Variants in ST6GAL1 observed in about 807,000 individuals in gnomAD.
ST6GAL1 encodes the protein ST6 beta-galactoside alpha-2,6-sialyltransferase 1, also known as beta-galactoside alpha-2,6-sialyltransferase 1.
A neutral mutation model predicts 38.0 loss-of-function variants in ST6GAL1; 20 were observed. The ratio of observed to expected loss-of-function variants is 0.53; its 90% CI spans 0.37 to 0.77. The LOEUF is 0.77. Among genes scored for constraint, ST6GAL1 ranks in the 30% least tolerant of loss-of-function variants. The probability of loss-of-function intolerance (pLI) is 0.00; values close to 1 mark genes in which losing one functional copy is unlikely to be tolerated. For synonymous variants in ST6GAL1, 196 were observed against 188.2 expected (o/e 1.04, Z -0.34); for missense variants, 432 against 496.4 (o/e 0.87, Z 1.23).
chr3:186,944,286 T>C (rs1307308691), intron 1 of ST6GAL1, among the ~76,000 whole-genome samples: 3 of 152,202 alleles, frequency 2.0e-5, no homozygotes, highest in Non-Finnish European at 4.4e-5. Flanking sequence ...CAATCACAGC[T>C]GGCTGGAGGA....
intron 1 of ST6GAL1, among the ~76,000 whole-genome samples, chr3:186,951,153 A>G (rs1714563261): frequency 6.6e-6 from 1 of 152,110 alleles, no homozygotes; most frequent in East Asian, 1.9e-4. Flanking sequence ...CACTGCGTGC[A>G]GCCTCTGCCT....
At chr3:187,012,856 G>C (rs910924141) in intron 2 of ST6GAL1, among the ~76,000 whole-genome samples, 2 of 152,224 alleles carry the variant, frequency 1.3e-5, no homozygotes. Flanking sequence ...TCCAAATGGA[G>C]GGGAAATCCA....
At chr3:187,025,939 T>A (rs1717519817) in intron 2 of ST6GAL1, among the ~76,000 whole-genome samples, 1 of 152,206 alleles carries the variant, frequency 6.6e-6, no homozygotes, top group Non-Finnish European at 1.5e-5. Flanking sequence ...GGAAAAGATG[T>A]AATCTCTGGT....
chr3:187,034,275 C>G (rs766502165), intron 2 of ST6GAL1, among the ~76,000 whole-genome samples: 1 of 151,978 alleles, frequency 6.6e-6, no homozygotes, highest in Non-Finnish European at 1.5e-5. Flanking sequence ...AAACTTACCA[C>G]CAAAAAAAGC....
intron 2 of ST6GAL1, among the ~76,000 whole-genome samples, chr3:186,970,439 G>T (rs1172418942): frequency 6.6e-6 from 1 of 150,626 alleles, no homozygotes; most frequent in Admixed American, 6.6e-5. Flanking sequence ...TAGCCAGGAT[G>T]GTCTCTGTCT....
At chr3:186,989,193 T>A (rs954736734) in intron 2 of ST6GAL1, among the ~76,000 whole-genome samples, 2 of 152,166 alleles carry the variant, frequency 1.3e-5, no homozygotes, top group African/African-American at 2.4e-5. Context: ...TCAGAAACCA[T>A]ATTATCTAAA....
chr3:186,961,357 C>T (rs1406734742), intron 1 of ST6GAL1, among the ~76,000 whole-genome samples: 1 of 152,206 alleles, frequency 6.6e-6, no homozygotes, highest in African/African-American at 2.4e-5. Context: ...CTACCACCAG[C>T]TGACTAGAGT....
At chr3:187,074,568 T>C (rs1719498062) in intron 7 of ST6GAL1, among the ~76,000 whole-genome samples, 1 of 152,172 alleles carries the variant, frequency 6.6e-6, no homozygotes, top group Non-Finnish European at 1.5e-5. Context: ...GAGGCAATAT[T>C]CAATTTGTGC....
At chr3:187,057,599 T>C (rs1025655853) in intron 5 of ST6GAL1, among the ~76,000 whole-genome samples, 2 of 152,194 alleles carry the variant, frequency 1.3e-5, no homozygotes, top group African/African-American at 4.8e-5. Context: ...AGACCCTGTT[T>C]GCCTGGGTAT....
In ST6GAL1 at chr3:187,031,728, C is replaced by T. The variant is rs142535137; in HGVS notation, c.-182-7014C>T. 8.1e-4 allele frequency among the ~76,000 whole-genome samples: 123 copies of T among 152,334 alleles called. No individual in the cohort carries two copies. The East Asian group carries it at 0.019, about 24-fold the overall frequency. ...GGGATTACAGGCATGAGCCACAGTA[C>T]CTGGCCGAGTGGATTATTTTACTTG... is the stretch of plus-strand genomic sequence containing the variant. On this transcript the variant is annotated intron_variant, in intron 2 of 7. Transcript: ENST00000169298.
chr3:186,938,477 G>A (rs1331576110), intron 1 of ST6GAL1, among the ~76,000 whole-genome samples: 2 of 152,204 alleles, frequency 1.3e-5, no homozygotes, highest in African/African-American at 2.4e-5. Context: ...TATACAAGAA[G>A]CATTCAGTTA....
At chr3:186,986,399 T>A (rs562077699) in intron 2 of ST6GAL1, 1 of 152,586 alleles carries the variant, frequency 6.6e-6, no homozygotes, top group East Asian at 1.9e-4. Context: ...ATTTGTTGAA[T>A]ACAGTATTAA....
At chr3:187,050,314 T>C (rs930759953) in intron 4 of ST6GAL1, among the ~76,000 whole-genome samples, 2 of 152,134 alleles carry the variant, frequency 1.3e-5, no homozygotes, top group Non-Finnish European at 2.9e-5. Context: ...AAAGAAGTTC[T>C]CATAGGATCA....
intron 1 of ST6GAL1, among the ~76,000 whole-genome samples, chr3:186,939,996 T>C (rs1035374319): frequency 6.6e-6 from 1 of 152,238 alleles, no homozygotes; most frequent in African/African-American, 2.4e-5. Flanking sequence ...TACACCCAAG[T>C]AGGAATTTTT....
intron 1 of ST6GAL1, among the ~76,000 whole-genome samples, chr3:186,935,591 AT>A (rs1164805769): frequency 6.6e-6 from 1 of 152,214 alleles, no homozygotes; most frequent in Non-Finnish European, 1.5e-5. Flanking sequence ...GCTTTCTACA[AT>A]GGTTGAACTA....
chr3:187,024,744 AAAG>A (rs1386054087), intron 2 of ST6GAL1: 1 of 151,990 alleles, frequency 6.6e-6, no homozygotes, highest in East Asian at 1.9e-4. Flanking sequence ...ATGCCGTGGA[AAAG>A]AAGAAGTAAG....
At chr3:187,048,880 A>ATTTTTTTTTTTTTTTTTTTTTTTTTTT (rs374148828) in intron 4 of ST6GAL1, among the ~76,000 whole-genome samples, 3 of 115,456 alleles carry the variant, frequency 2.6e-5, no homozygotes, top group African/African-American at 1.1e-4. Context: ...GAGAAATTGA[A>ATTTTTTTTTTTTTTTTTTTTTTTTTTT]TTTTTTTTTT....
chr3:186,960,472 T>C (rs1446130781), intron 1 of ST6GAL1, among the ~76,000 whole-genome samples: 1 of 152,080 alleles, frequency 6.6e-6, no homozygotes, highest in Non-Finnish European at 1.5e-5. Flanking sequence ...CCAGTGACCC[T>C]TGTGGGATAG....
chr3:187,027,134 A>G (rs1173327110), intron 2 of ST6GAL1, among the ~76,000 whole-genome samples: 1 of 152,170 alleles, frequency 6.6e-6, no homozygotes, highest in Non-Finnish European at 1.5e-5. Flanking sequence ...ATGAAATGAG[A>G]AAAAGGACAT....
Sources: allele counts gnomAD v4.1 joint callset (sites outside exome capture counted in the v4.1 genomes callset), GRCh38; gene constraint gnomAD v4.1.1; transcripts MANE v1.5; gene names NCBI Gene and HGNC (gene_info 2026-07-23, HGNC 2026-07-21).